CDH3: variants seen among roughly 807,000 people sequenced by gnomAD.
CDH3 encodes the protein cadherin-3.
In CDH3, 54 loss-of-function variants were observed where a neutral mutation model predicts 82.0. That is an observed-to-expected ratio of 0.66 (90% CI 0.53 to 0.83). The LOEUF (loss-of-function observed/expected upper bound fraction) is 0.83, where lower values mean the gene tolerates loss of function less well. Ranked by LOEUF, CDH3 falls within the 40% of genes least tolerant of loss-of-function variation. The probability of loss-of-function intolerance (pLI) is 0.00; values close to 1 mark genes in which losing one functional copy is unlikely to be tolerated. For missense variants in CDH3, 1,054 were observed against 1,084.6 expected, an observed-to-expected ratio of 0.97 and a Z score of 0.40; for synonymous variants, 446 against 437.9, an observed-to-expected ratio of 1.02 and a Z score of -0.23.
intron 1 of CDH3, 63 bp downstream of exon 1, chr16:68,645,487 C>T (rs1465786663): frequency 6.4e-7 from 1 of 1,572,282 alleles, no homozygotes; most frequent in Non-Finnish European, 8.7e-7. Context: ...GCGGGGTCCG[C>T]ATGGGGCAGT....
intron 1 of CDH3, among the ~76,000 whole-genome samples, chr16:68,708,252 G>A (rs1006788735): frequency 6.6e-6 from 1 of 151,960 alleles, no homozygotes; most frequent in African/African-American, 2.4e-5. Context: ...CCTTGAACCT[G>A]GGAGGTGGAG....
chr16:68,650,659 G>A (rs562828157), intron 2 of CDH3, among the ~76,000 whole-genome samples: 24 of 152,082 alleles, frequency 1.6e-4, no homozygotes, highest in Admixed American at 9.8e-4. Context: ...CAAACTGATC[G>A]GCTGACAAAA....
chr16:68,694,640 AT>A (rs199544043), intron 13 of CDH3, among the ~76,000 whole-genome samples: 3 of 137,708 alleles, frequency 2.2e-5, no homozygotes, highest in African/African-American at 5.3e-5. Context: ...AAAAAAAAAA[AT>A]TCCAACACTG....
downstream of CDH3, among the ~76,000 whole-genome samples, chr16:68,731,533 CACACACAT>C (rs1567468050): frequency 2.6e-3 from 151 of 58,584 alleles, no homozygotes; most frequent in Non-Finnish European, 5.9e-3. Flanking sequence ...CACACACACA[CACACACAT>C]ATATATATAT....
intron 11 of CDH3, chr16:68,686,594 C>T (rs1961419663): frequency 2.4e-6 from 3 of 1,225,014 alleles, no homozygotes; most frequent in East Asian, 2.3e-5. Context: ...TAAAGTTCTT[C>T]TTCCAGAATA....
chr16:68,682,564 GTC>G (rs1961264454), intron 9 of CDH3, 77 bp downstream of exon 9: 1 of 1,381,480 alleles, frequency 7.2e-7, no homozygotes, highest in East Asian at 2.3e-5. Flanking sequence ...AGGAGCCACT[GTC>G]TACCGTGGGC....
chr16:68,660,456 T>C (rs1333596333), intron 2 of CDH3, among the ~76,000 whole-genome samples: 1 of 152,214 alleles, frequency 6.6e-6, no homozygotes, highest in Non-Finnish European at 1.5e-5. Context: ...CAAAGTGCAT[T>C]TTTTTCTCAA....
chr16:68,669,952 A>G (rs907598568), intron 2 of CDH3, among the ~76,000 whole-genome samples: 1 of 151,886 alleles, frequency 6.6e-6, no homozygotes, highest in Non-Finnish European at 1.5e-5. Flanking sequence ...CCCTGTATCT[A>G]CCAAAAAAAT....
chr16:68,648,166 A>G (rs1960131532), intron 2 of CDH3, among the ~76,000 whole-genome samples: 1 of 152,188 alleles, frequency 6.6e-6, no homozygotes, highest in Non-Finnish European at 1.5e-5. Flanking sequence ...GAGGTTTTGA[A>G]GGTGGAGAAA....
At chr16:68,661,693 TTTTG>T (rs1960584883) in intron 2 of CDH3, among the ~76,000 whole-genome samples, 4 of 152,306 alleles carry the variant, frequency 2.6e-5, no homozygotes, top group African/African-American at 7.2e-5. Flanking sequence ...TAGTAACTTT[TTTTG>T]TTTATTTTGG....
At chr16:68,717,904 C>G (rs1312011227) in intron 1 of CDH3, among the ~76,000 whole-genome samples, 1 of 152,204 alleles carries the variant, frequency 6.6e-6, no homozygotes, top group African/African-American at 2.4e-5. Flanking sequence ...CAGGCCTTCA[C>G]TATATGAGCT....
chr16:68,721,846 T>C (rs921622323), intron 1 of CDH3, among the ~76,000 whole-genome samples: 7 of 152,090 alleles, frequency 4.6e-5, no homozygotes, highest in African/African-American at 1.7e-4. Context: ...TTCTAGCACT[T>C]TGGGAGGCTG....
At chr16:68,696,998 C>G (rs1229212879) in intron 15 of CDH3, 2 of 146,780 alleles carry the variant, frequency 1.4e-5, no homozygotes, top group East Asian at 2.0e-4. Context: ...GCCCCCCACA[C>G]CTGGGCAACA....
At chr16:68,678,061 C>T (rs1961083908) in intron 3 of CDH3, 73 bp from the exon 4 acceptor site, 9 of 1,412,528 alleles carry the variant, frequency 6.4e-6, no homozygotes, top group Non-Finnish European at 9.0e-6. Context: ...CCTTTTAACT[C>T]TTATAGGTGA....
chr16:68,695,533 T>G, intron 14 of CDH3, 148 bp downstream of exon 14: 1 of 903,094 alleles, frequency 1.1e-6, no homozygotes, highest in Non-Finnish European at 1.7e-6. Flanking sequence ...CCTCCAGCAC[T>G]TCTCTGGTCC....
At chr16:68,697,996 C>T in intron 15 of CDH3, 195 bp from the exon 16 acceptor site, 1 of 655,660 alleles carries the variant, frequency 1.5e-6, no homozygotes, top group South Asian at 1.7e-5. Context: ...TACCCCCTGG[C>T]CTGTGTTGCA....
chr16:68,705,385 C>A (rs979588970), intron 1 of CDH3, among the ~76,000 whole-genome samples: 1 of 151,976 alleles, frequency 6.6e-6, no homozygotes, highest in African/African-American at 2.4e-5. Context: ...TTTATTCATT[C>A]GTTTAACAAC....
At chr16:68,724,228 C>A (rs1170667713) in intron 2 of CDH3, among the ~76,000 whole-genome samples, 1 of 152,120 alleles carries the variant, frequency 6.6e-6, no homozygotes, top group African/African-American at 2.4e-5. Context: ...GAGCAAGACT[C>A]TGTCTCAAAA....
At chr16:68,681,881 A>G (rs1961239554) in intron 8 of CDH3, among the ~76,000 whole-genome samples, 1 of 152,200 alleles carries the variant, frequency 6.6e-6, no homozygotes, top group African/African-American at 2.4e-5. Context: ...GTTCCGAGCA[A>G]CTGATTTTCC....
Sources: gnomAD v4.1 joint callset for allele counts (sites outside exome capture counted in the v4.1 genomes callset) on GRCh38, gnomAD v4.1.1 for gene constraint, MANE v1.5 for transcripts, NCBI Gene and HGNC (gene_info 2026-07-23, HGNC 2026-07-21) for gene names.